PTPRD: variants seen among roughly 807,000 people sequenced by gnomAD.
The protein encoded by PTPRD is protein tyrosine phosphatase receptor type D.
In PTPRD, 34 loss-of-function variants were observed where a neutral mutation model predicts 214.5. That is an observed-to-expected ratio of 0.16 (90% CI 0.12 to 0.21). The LOEUF is 0.21. Among genes scored for constraint, PTPRD ranks in the 10% least tolerant of loss-of-function variants. The probability of loss-of-function intolerance (pLI) is 1.00; values close to 1 mark genes in which losing one functional copy is unlikely to be tolerated. For missense variants in PTPRD, 2,545 were observed against 2,398.7 expected (o/e 1.06, Z -1.27); for synonymous variants, 1,128 against 845.7 (o/e 1.33, Z -5.79).
At chr9:9,098,447 C>T (rs2099786780) in intron 10 of PTPRD, among the ~76,000 whole-genome samples, 1 of 152,192 alleles carries the variant, frequency 6.6e-6, no homozygotes, top group South Asian at 2.1e-4. Context: ...CAGGGTTTCA[C>T]CATGTTGGCC....
At chr9:9,000,231 G>A (rs1567507449) in intron 11 of PTPRD, among the ~76,000 whole-genome samples, 3 of 151,982 alleles carry the variant, frequency 2.0e-5, no homozygotes, top group Admixed American at 6.6e-5. Flanking sequence ...CTTTTAGAAC[G>A]GCAGTCCTGC....
intron 9 of PTPRD, among the ~76,000 whole-genome samples, chr9:9,200,885 C>G (rs1364404818): frequency 6.6e-6 from 1 of 152,142 alleles, no homozygotes; most frequent in Admixed American, 6.5e-5. Flanking sequence ...TGTGGTTTTC[C>G]TCTCTATTGT....
At chr9:9,244,659 G>C (rs537307711) in intron 9 of PTPRD, among the ~76,000 whole-genome samples, 17 of 152,110 alleles carry the variant, frequency 1.1e-4, no homozygotes, top group Non-Finnish European at 1.6e-4. Context: ...AGACTTAAAT[G>C]TTAGACCAAA....
At chr9:9,230,754 G>T (rs1216254627) in intron 9 of PTPRD, among the ~76,000 whole-genome samples, 1 of 152,070 alleles carries the variant, frequency 6.6e-6, no homozygotes, top group African/African-American at 2.4e-5. Flanking sequence ...TCCAGACTAA[G>T]AGATGCTATA....
chr9:9,184,271 C>T (rs1048336091), intron 9 of PTPRD, among the ~76,000 whole-genome samples: 3 of 152,034 alleles, frequency 2.0e-5, no homozygotes, highest in Non-Finnish European at 2.9e-5. Flanking sequence ...TAACTGTTCA[C>T]CAAAACATTT....
At chr9:10,076,642 C>G (rs1373740177) in intron 3 of PTPRD, among the ~76,000 whole-genome samples, 1 of 152,100 alleles carries the variant, frequency 6.6e-6, no homozygotes, top group Non-Finnish European at 1.5e-5. Context: ...TGAGCCTTGC[C>G]TAGGCTGAAG....
intron 9 of PTPRD, among the ~76,000 whole-genome samples, chr9:9,271,315 C>T (rs962551080): frequency 6.6e-6 from 1 of 150,578 alleles, no homozygotes; most frequent in African/African-American, 2.4e-5. Flanking sequence ...TGAACTTTCT[C>T]ATCTTTCTGA....
chr9:10,302,552 A>C (rs749380175), intron 3 of PTPRD, among the ~76,000 whole-genome samples: 2 of 152,210 alleles, frequency 1.3e-5, no homozygotes, highest in Non-Finnish European at 2.9e-5. Flanking sequence ...TATGCTCAAA[A>C]TAGAGGGATG....
At chr9:9,184,041 G>A (rs2099929888) in intron 9 of PTPRD, among the ~76,000 whole-genome samples, 2 of 152,034 alleles carry the variant, frequency 1.3e-5, no homozygotes, top group East Asian at 1.9e-4. Flanking sequence ...TTTCACAATT[G>A]CTTTATTTTG....
intron 3 of PTPRD, among the ~76,000 whole-genome samples, chr9:10,208,325 T>C (rs1454662888): frequency 6.6e-6 from 1 of 152,154 alleles, no homozygotes; most frequent in Admixed American, 6.5e-5. Flanking sequence ...CCATCCTGGC[T>C]AACACGGTGA....
intron 22 of PTPRD, 22 bp from the exon 23 acceptor site, chr9:8,504,427 G>A (rs2137242950): frequency 6.2e-7 from 1 of 1,613,612 alleles, no homozygotes; most frequent in South Asian, 1.1e-5. Flanking sequence ...AAGAGAATGT[G>A]GTCATCTTCA....
chr9:10,465,467 TAA>T (rs1163990906), intron 2 of PTPRD, among the ~76,000 whole-genome samples: 2 of 152,168 alleles, frequency 1.3e-5, no homozygotes, highest in Non-Finnish European at 2.9e-5. Flanking sequence ...TTCCACCTAC[TAA>T]AGAGTGTCGT....
intron 3 of PTPRD, among the ~76,000 whole-genome samples, chr9:10,229,701 G>C (rs1368944006): frequency 6.7e-6 from 1 of 148,812 alleles, no homozygotes; most frequent in African/African-American, 2.5e-5. Context: ...GGGGATGGTT[G>C]TGGGGTGGGG....
chr9:9,374,943 A>T (rs914806782), intron 9 of PTPRD, among the ~76,000 whole-genome samples: 3 of 152,212 alleles, frequency 2.0e-5, no homozygotes, highest in Non-Finnish European at 2.9e-5. Context: ...ATTTGGCTTG[A>T]TATAAAAGAC....
chr9:9,012,013 G>C (rs2099513791), intron 11 of PTPRD, among the ~76,000 whole-genome samples: 1 of 152,146 alleles, frequency 6.6e-6, no homozygotes, highest in East Asian at 1.9e-4. Context: ...CTTGCTATCA[G>C]TCTGGTAATA....
intron 5 of PTPRD, among the ~76,000 whole-genome samples, chr9:9,829,694 C>T (rs1308409725): frequency 4.0e-5 from 6 of 151,766 alleles, no homozygotes; most frequent in Non-Finnish European, 8.8e-5. Context: ...CTGAATGTTT[C>T]AGCTGCAGAT....
intron 11 of PTPRD, among the ~76,000 whole-genome samples, chr9:8,811,909 G>A (rs925116368): frequency 6.6e-6 from 1 of 152,168 alleles, no homozygotes; most frequent in African/African-American, 2.4e-5. Flanking sequence ...ATCCACTTGG[G>A]TGGGGACTTG....
chr9:9,585,460 C>T (rs190695636), intron 7 of PTPRD, among the ~76,000 whole-genome samples: 1 of 152,168 alleles, frequency 6.6e-6, no homozygotes, highest in East Asian at 1.9e-4. Context: ...GTGCTACTTT[C>T]CAAACTTCTT....
At chr9:8,919,943 T>C (rs1358590390) in intron 11 of PTPRD, among the ~76,000 whole-genome samples, 1 of 140,132 alleles carries the variant, frequency 7.1e-6, no homozygotes, top group African/African-American at 2.5e-5. Flanking sequence ...TGTATGCATG[T>C]ACACATGTAT....
Sources: gnomAD v4.1 joint callset for allele counts (sites outside exome capture counted in the v4.1 genomes callset) on GRCh38, gnomAD v4.1.1 for gene constraint, MANE v1.5 for transcripts, NCBI Gene and HGNC (gene_info 2026-07-23, HGNC 2026-07-21) for gene names.